Variants in CTNNB1 observed in about 807,000 individuals in gnomAD.
CTNNB1 encodes catenin beta 1.
CTNNB1 carries 6 observed loss-of-function variants against 82.5 expected under a neutral mutation model. That is an observed-to-expected ratio of 0.07 (90% CI 0.04 to 0.14). The LOEUF (loss-of-function observed/expected upper bound fraction) is 0.14. Ranked by LOEUF, CTNNB1 falls within the 10% of genes least tolerant of loss-of-function variation. CTNNB1 has a pLI of 1.00. For missense variants in CTNNB1, 529 were observed against 980.4 expected, an observed-to-expected ratio of 0.54 and a Z score of 6.15; for synonymous variants, 312 against 329.7, an observed-to-expected ratio of 0.95 and a Z score of 0.58.
intron 10 of CTNNB1, chr3:41,234,613 G>C (rs1481578049): frequency 2.6e-6 from 1 of 380,050 alleles, no homozygotes; most frequent in Non-Finnish European, 5.0e-6. Context: ...GTCATAATTT[G>C]AGATCAAATC....
rs2078162453 is a variant in CTNNB1, at chr3:41,225,864, A to C, written c.936+3A>C. 1 of 1,610,704 alleles carries C rather than the reference A, an allele frequency of 6.2e-7. No individual in the cohort carries two copies. Among genetic ancestry groups the C allele is most frequent in the South Asian group, 1.1e-5 (1 of 90,942 alleles). ...CTTATGGCAACCAAGAAAGCAAGGT[A>C]AGAGAATTATTCTTTATGTGGTTTT... On this transcript the variant is annotated splice_donor_region_variant and intron_variant, in intron 6 of 14. Coordinates refer to ENST00000349496, the MANE Select transcript of CTNNB1 (RefSeq NM_001904.4). The surrounding 1 kb of genome is among the most constrained non-coding windows in gnomAD (Gnocchi z 5.3).
At chr3:41,200,298 C>G (rs994364644) in intron 1 of CTNNB1, 8 of 152,108 alleles carry the variant, frequency 5.3e-5, no homozygotes, top group African/African-American at 1.7e-4. Context: ...CAACTAAACT[C>G]TAAGTGCAGC....
chr3:41,200,879 C>A (rs1018019498), intron 1 of CTNNB1, among the ~76,000 whole-genome samples: 1 of 152,052 alleles, frequency 6.6e-6, no homozygotes, highest in African/African-American at 2.4e-5. Flanking sequence ...CTGTGGTCTT[C>A]CCCCCACCCC....
chr3:41,220,631 T>C (rs912841443), intron 1 of CTNNB1: 5 of 152,220 alleles, frequency 3.3e-5, no homozygotes, highest in Non-Finnish European at 7.3e-5. Context: ...CTAAGAACTT[T>C]TTAAAAATCC....
Position 41,235,855 on chromosome 3 carries a change from G to GT in CTNNB1, c.1803+13dup. 1 of 1,614,030 alleles carries GT rather than the reference G, an allele frequency of 6.2e-7. No homozygotes were observed. Among genetic ancestry groups the GT allele is most frequent in the Non-Finnish European group, 8.5e-7 (1 of 1,179,920 alleles). On this transcript the variant is annotated intron_variant, in intron 11 of 14. Transcript: ENST00000349496. ...CATTGTTTGTGCAGGTATGTTTTAA[G>GT]TGAAGTGTTCTAGGTTTTATGTCCA...
intron 1 of CTNNB1, chr3:41,221,657 C>A (rs76768085): frequency 3.3e-5 from 5 of 152,078 alleles, no homozygotes; most frequent in Admixed American, 3.3e-4. Flanking sequence ...TAGAAAAGAT[C>A]CAGTAAAAAT....
Position 41,231,973 on chromosome 3 carries a change from A to G in CTNNB1, c.1082-1368A>G, listed in dbSNP as rs559303747. The stretch of plus-strand genomic sequence containing the variant: ...AATTTTTGAACATAATAATTTAAGA[A>G]GCTGACTTAAAGTGACTTAAAAGGT... On this transcript the variant is annotated intron_variant, in intron 7 of 14. Transcript: ENST00000349496. Among the ~76,000 whole-genome samples the G allele has an allele frequency of 3.9e-5, 6 of 152,330 alleles. No individual in the cohort carries two copies. In the South Asian group the frequency reaches 1.2e-3, roughly 32 times the overall value.
At chr3:41,203,518 G>T (rs1003135557) in intron 1 of CTNNB1, among the ~76,000 whole-genome samples, 12 of 152,034 alleles carry the variant, frequency 7.9e-5, no homozygotes, top group Non-Finnish European at 1.8e-4. Flanking sequence ...TACAGCAACT[G>T]AAATTCTCAG....
Position 41,225,950 on chromosome 3 carries a change from G to A in CTNNB1, c.936+89G>A. 1 of 1,281,008 alleles carries A rather than the reference G, an allele frequency of 7.8e-7. No homozygotes were observed. 79.4% of individuals were successfully genotyped at this position (1,281,008 alleles called of 1,614,324 possible). A position where few individuals can be genotyped will look rare whatever the true frequency, so the allele number is the denominator to read the frequency against. On this transcript the variant is annotated intron_variant, in intron 6 of 14. Coordinates refer to ENST00000349496, the MANE Select transcript of CTNNB1 (RefSeq NM_001904.4). The surrounding 1 kb of genome is among the most constrained non-coding windows in gnomAD (Gnocchi z 5.3). ...CCATGCAGTGTTCCTAACCTTTTTG[G>A]CACCAGGGACCAGTTTCGTGGAAAA...
Position 41,225,585 on chromosome 3 carries a change from G to T in CTNNB1, c.734+13G>T, listed in dbSNP as rs780986138. On this transcript the variant is annotated intron_variant, in intron 5 of 14. Transcript: ENST00000349496. The surrounding 1 kb of genome is among the most constrained non-coding windows in gnomAD (Gnocchi z 5.3). Reference sequence around the variant, plus strand: ...TGAAAATGCTTGGGTAAGAAAACATGTCAGAATGCTTGAAGCTAAAAAGTA... The same window carrying T: ...TGAAAATGCTTGGGTAAGAAAACATTTCAGAATGCTTGAAGCTAAAAAGTA... 4 of 1,614,074 alleles carry T rather than the reference G, an allele frequency of 2.5e-6. No homozygotes were observed. The highest frequency in any genetic ancestry group is 3.4e-6 in the Non-Finnish European group (4 of 1,179,942).
chr3:41,233,480 G>C (rs2125638309), intron 8 of CTNNB1, 36 bp downstream of exon 8: 5 of 1,613,364 alleles, frequency 3.1e-6, no homozygotes, highest in Non-Finnish European at 4.2e-6. Context: ...TGGGAATAGA[G>C]TCAAGATGAG....
Position 41,224,634 on chromosome 3 carries a change from C to G in CTNNB1, c.122C>G (p.Thr41Ser), listed in dbSNP as rs121913413. 1.2e-6 allele frequency: 2 copies of G among 1,613,936 alleles called. No homozygotes were observed. The highest frequency in any genetic ancestry group is 1.7e-6 in the Non-Finnish European group (2 of 1,179,962). ...TCTGGAATCCATTCTGGTGCCACTA[C>G]CACAGCTCCTTCTCTGAGTGGTAAA... ...LDSGIHSGAT[T>S]TAPSLSGKGN... The change falls in exon 3 of 15, where the codon ACC becomes AGC. Residue 41 changes from threonine (T) to serine (S), a missense_variant. This residue lies in a region of CTNNB1 where 411 missense variants were observed against 776.4 expected (regional missense o/e 0.53). Coordinates refer to ENST00000349496, the MANE Select transcript of CTNNB1 (RefSeq NM_001904.4).
At chr3:41,234,023 GT>G in intron 9 of CTNNB1, 115 bp from the exon 10 acceptor site, 1 of 1,465,308 alleles carries the variant, frequency 6.8e-7, no homozygotes. Flanking sequence ...ATTCTGAAAT[GT>G]TTGTGTAGTC....
chr3:41,227,200 C>G lies in CTNNB1; in HGVS notation c.937-8C>G. ...TGACTAACAAGATATATATATATAT[C>G]TTTCTAGCTCATCATACTGGCTAGT... On this transcript the variant is annotated splice_region_variant and splice_polypyrimidine_tract_variant and intron_variant, in intron 6 of 14. Coordinates refer to ENST00000349496, the MANE Select transcript of CTNNB1 (RefSeq NM_001904.4). 6.3e-7 allele frequency: 1 copy of G among 1,599,530 alleles called. No individual in the cohort carries two copies. The highest frequency in any genetic ancestry group is 2.2e-5 in the East Asian group (1 of 44,776).
At chr3:41,231,853 A>C (rs529358210) in intron 7 of CTNNB1, among the ~76,000 whole-genome samples, 17 of 152,352 alleles carry the variant, frequency 1.1e-4, no homozygotes, top group Admixed American at 4.6e-4. Flanking sequence ...CATAGAATGT[A>C]ATAATATAGG....
intron 10 of CTNNB1, chr3:41,234,579 C>T: frequency 2.3e-6 from 1 of 441,956 alleles, no homozygotes. Context: ...TACACAAAGG[C>T]CCACTTCCTT....
intron 2 of CTNNB1, 132 bp downstream of exon 2, chr3:41,224,213 C>G: frequency 5.5e-6 from 6 of 1,096,418 alleles, no homozygotes; most frequent in Middle Eastern, 2.0e-4. Context: ...CCATTTTCTG[C>G]TCACTCCTCC....
intron 1 of CTNNB1, among the ~76,000 whole-genome samples, chr3:41,208,627 C>G (rs189097179): frequency 3.3e-5 from 5 of 152,312 alleles, no homozygotes; most frequent in African/African-American, 1.2e-4. Flanking sequence ...TAATCACTTT[C>G]TCGTATACAC....
chr3:41,224,245 A>G, intron 2 of CTNNB1, 164 bp downstream of exon 2: 1 of 883,074 alleles, frequency 1.1e-6, no homozygotes, highest in Admixed American at 1.9e-5. Flanking sequence ...TGAAATAGCA[A>G]ACAAGCCACC....
Sources: gnomAD v4.1 joint callset for allele counts (sites outside exome capture counted in the v4.1 genomes callset) on GRCh38, gnomAD v4.1.1 for gene constraint, gnomAD v4.1.1 regional missense constraint, Gnocchi (gnomAD v3.1) non-coding constraint, MANE v1.5 for transcripts, NCBI Gene and HGNC (gene_info 2026-07-23, HGNC 2026-07-21) for gene names.